SPTBN5: variants seen among roughly 807,000 people sequenced by gnomAD.
SPTBN5 encodes spectrin beta, non-erythrocytic 5.
A neutral mutation model predicts 477.6 loss-of-function variants in SPTBN5; 513 were observed. That is an observed-to-expected ratio of 1.07 (90% CI 1.00 to 1.16). SPTBN5 has a LOEUF of 1.16. Among genes scored for constraint, SPTBN5 ranks in the 50% most tolerant of loss-of-function variants. The probability of loss-of-function intolerance (pLI) is 0.00; values close to 1 mark genes in which losing one functional copy is unlikely to be tolerated. For synonymous variants in SPTBN5, 2,169 were observed against 2,011.7 expected, an observed-to-expected ratio of 1.08 and a Z score of -2.09; for missense variants, 5,062 against 4,731.8, an observed-to-expected ratio of 1.07 and a Z score of -2.05.
chr15:41,867,999 C>T lies in SPTBN5; in HGVS notation c.6207+70G>A, dbSNP rs967313889. On this transcript the variant is annotated intron_variant, in intron 34 of 67. Transcript: ENST00000320955. ...AGCCAGAGAGGCAGGAGGAAAGGGACTGAGCAGAGAGGAGAATAGAAAGGA... is the reference window on the plus strand; with the variant it reads ...AGCCAGAGAGGCAGGAGGAAAGGGATTGAGCAGAGAGGAGAATAGAAAGGA... 3.3e-6 allele frequency: 5 copies of T among 1,500,248 alleles called. No homozygotes were observed. The African/African-American group carries it at 5.6e-5, about 17-fold the overall frequency. The allele number at this position is 1,500,248 out of a possible 1,614,324, so 92.9% of individuals were successfully genotyped here.
chr15:41,850,343 G>A, intron 66 of SPTBN5: 1 of 268,948 alleles, frequency 3.7e-6, no homozygotes, highest in Non-Finnish European at 7.2e-6. Flanking sequence ...GGTCCACACG[G>A]AGCCTCAGCA....
intron 29 of SPTBN5, 56 bp from the exon 30 acceptor site, chr15:41,870,616 C>T (rs772316732): frequency 4.1e-5 from 59 of 1,439,434 alleles, no homozygotes; most frequent in Non-Finnish European, 5.5e-5. Flanking sequence ...CGTGTCATTC[C>T]TCCCTCCCGC....
chr15:41,861,086 G>A (rs939373863), intron 46 of SPTBN5, among the ~76,000 whole-genome samples: 5 of 152,230 alleles, frequency 3.3e-5, no homozygotes, highest in African/African-American at 7.2e-5. Flanking sequence ...AGTTACACTC[G>A]TCTGCTTCAG....
At chr15:41,850,722 G>T (rs2065724194) in intron 66 of SPTBN5, 132 bp downstream of exon 66, 2 of 791,944 alleles carry the variant, frequency 2.5e-6, no homozygotes, top group African/African-American at 1.7e-5. Flanking sequence ...AGGAAAAACA[G>T]TAAGTCCCAC....
At position 41,857,425 on chromosome 15, in the gene SPTBN5, C is replaced by CT; in HGVS notation, c.8433dup (p.Ala2812SerfsTer33). 1.2e-6 allele frequency: 2 copies of CT among 1,603,028 alleles called. No individual in the cohort carries two copies. Among genetic ancestry groups the CT allele is most frequent in the Non-Finnish European group, 1.7e-6 (2 of 1,175,234 alleles). On this transcript the variant is annotated frameshift_variant, in exon 51 of 68. Coordinates refer to ENST00000320955, the MANE Select transcript of SPTBN5 (RefSeq NM_016642.4). LOFTEE classifies it high-confidence loss of function. ...GGCAGGGCCTGGCCCACAGTGGGGG[C>CT]TCTCAGCTCAACCTCGATGGGCTCC... is the stretch of plus-strand genomic sequence containing the variant.
At position 41,862,589 on chromosome 15, in the gene SPTBN5, C is replaced by CT. The variant is rs745994059; in HGVS notation, c.7334dup (p.Gln2446AlafsTer5). 6.4e-7 allele frequency: 1 copy of CT among 1,558,712 alleles called. No individual in the cohort carries two copies. The highest frequency in any genetic ancestry group is 1.2e-5 in the South Asian group (1 of 84,790). On this transcript the variant is annotated frameshift_variant, in exon 43 of 68. Transcript: ENST00000320955. LOFTEE classifies it high-confidence loss of function. ...GCCACCAGCTCTCAGCCACCTCCTG[C>CT]TGCCTGTGCCTGAGGCCGTGGGCTG...
At chr15:41,852,345 GAGCCAGGTC>G (rs1022202373) in intron 61 of SPTBN5, 29 bp from the exon 62 acceptor site, 2 of 1,539,238 alleles carry the variant, frequency 1.3e-6, no homozygotes. Context: ...TGGGCAAGGT[GAGCCAGGTC>G]AGGGAGACCA....
At chr15:41,873,374 G>T in intron 26 of SPTBN5, 118 bp downstream of exon 26, 2 of 773,184 alleles carry the variant, frequency 2.6e-6, no homozygotes, top group African/African-American at 3.5e-5. Flanking sequence ...GGGGCTGTCT[G>T]TGTCTCCAGG....
chr15:41,879,797 A>G lies in SPTBN5; in HGVS notation c.2879T>C (p.Leu960Pro). 1 of 1,613,978 alleles carries G rather than the reference A, an allele frequency of 6.2e-7. No homozygotes were observed. The highest frequency in any genetic ancestry group is 8.5e-7 in the Non-Finnish European group (1 of 1,179,858). The change falls in exon 15 of 68, where the codon CTG becomes CCG. Residue 960 changes from leucine to proline, a missense_variant. Transcript: ENST00000320955. ...GGAGTTCCCAGGATATCTCTGCCTC[A>G]GTTGCTCAGCAGAGCTGCTGACCTC... is the stretch of plus-strand genomic sequence containing the variant. Reference protein sequence around the residue: ...WAEVSSSAEQLRQRYPGNSTQ... With the variant: ...WAEVSSSAEQPRQRYPGNSTQ...
Position 41,863,302 on chromosome 15 carries a change from C to T in SPTBN5, c.7150-399G>A, listed in dbSNP as rs555150383. On this transcript the variant is annotated intron_variant, in intron 41 of 67. Coordinates refer to ENST00000320955, the MANE Select transcript of SPTBN5 (RefSeq NM_016642.4). ...TGTTTCACACAAGGGCTTCCTAGAC[C>T]GGGTTCTAACTCTGCCAGATTCCAG... 1.0e-3 allele frequency among the ~76,000 whole-genome samples: 154 copies of T among 152,318 alleles called. 2 individuals carry two copies. Among genetic ancestry groups the T allele is most frequent in the Non-Finnish European group, 2.0e-3 (136 of 68,030 alleles).
intron 55 of SPTBN5, 115 bp downstream of exon 55, chr15:41,855,109 T>C: frequency 7.0e-7 from 1 of 1,435,536 alleles, no homozygotes; most frequent in Admixed American, 2.3e-5. Flanking sequence ...GGATCCTCCC[T>C]AGGACACCCT....
chr15:41,851,346 G>C lies in SPTBN5; in HGVS notation c.10680C>G (p.Ser3560Arg). Residue 3560 changes from serine to arginine, a missense_variant, in exon 64 of 68, where the codon AGC becomes AGG. Physicochemically the swap from Ser to Arg is moderately radical, Grantham distance 110. Coordinates refer to ENST00000320955, the MANE Select transcript of SPTBN5 (RefSeq NM_016642.4). ...AGCTGCCCTGCAAGTTCCCGCGGCA[G>C]CTGTCCCAGGAGCTCGAGCTAGGCT... ...GRQPSSSSWD[S>R]CRGNLQGSSL... The C allele has an allele frequency of 1.3e-6, 2 of 1,550,930 alleles. No individual in the cohort carries two copies. The highest frequency in any genetic ancestry group is 1.4e-5 in the African/African-American group (1 of 73,100).
rs925950273 is a variant in SPTBN5 at position 41,848,195 on chromosome 15, C to T, written c.*421G>A. ...TACTGCTGAGAAGGGCCATGTCATTCTAGGCTCTTGGCTGTACATGGCAAG... is the reference window on the plus strand; with the variant it reads ...TACTGCTGAGAAGGGCCATGTCATTTTAGGCTCTTGGCTGTACATGGCAAG... On this transcript the variant is annotated 3_prime_UTR_variant, in exon 68 of 68. Transcript: ENST00000320955. The T allele has an allele frequency of 1.4e-5, 7 of 510,828 alleles. No individual in the cohort carries two copies. Among genetic ancestry groups the T allele is most frequent in the Non-Finnish European group, 1.1e-5 (3 of 282,774 alleles). The allele number at this position is 510,828 out of a possible 1,614,324, so 31.6% of individuals were successfully genotyped here.
chr15:41,870,919 AC>A (rs1473548530), intron 29 of SPTBN5, among the ~76,000 whole-genome samples: 1 of 152,244 alleles, frequency 6.6e-6, no homozygotes, highest in Non-Finnish European at 1.5e-5. Flanking sequence ...TAACTCTGCA[AC>A]TGGCTGAGCT....
chr15:41,867,514 G>A lies in SPTBN5; in HGVS notation c.6312+24C>T, dbSNP rs115661525. The A allele has an allele frequency of 9.0e-4, 1,442 of 1,606,694 alleles. 9 individuals carry two copies. In the African/African-American group the frequency reaches 0.018, roughly 20 times the overall value. On this transcript the variant is annotated intron_variant, in intron 35 of 67. Transcript: ENST00000320955. ...CTCCCAACCACCACACTCTGACCAC[G>A]CCCAGGCCTCCTGACTCCATTACCT... is the stretch of plus-strand genomic sequence containing the variant.
At chr15:41,868,248 T>C (rs1225280680) in intron 33 of SPTBN5, 30 bp from the exon 34 acceptor site, 1 of 1,576,466 alleles carries the variant, frequency 6.3e-7, no homozygotes, top group East Asian at 2.3e-5. Flanking sequence ...GAGCCTCAGC[T>C]GGGGAGGGTG....
intron 26 of SPTBN5, among the ~76,000 whole-genome samples, chr15:41,873,181 C>T (rs2066602621): frequency 6.6e-6 from 1 of 152,064 alleles, no homozygotes; most frequent in Non-Finnish European, 1.5e-5. Flanking sequence ...GGGCAGGTGA[C>T]CTTGACAGAG....
In SPTBN5 at chr15:41,853,244, C is replaced by T. The variant is rs1381720611; in HGVS notation, c.10170+14G>A. The T allele has an allele frequency of 2.5e-6, 4 of 1,575,310 alleles. No individual in the cohort carries two copies. The highest frequency in any genetic ancestry group is 3.5e-6 in the Non-Finnish European group (4 of 1,153,218). The stretch of plus-strand genomic sequence containing the variant: ...TCCCCAGCCCAACCCCAGGCCCACC[C>T]TCTGAGTTCACACCTCCGCAGACAT... On this transcript the variant is annotated intron_variant, in intron 59 of 67. Coordinates refer to ENST00000320955, the MANE Select transcript of SPTBN5 (RefSeq NM_016642.4).
At position 41,853,705 on chromosome 15, in the gene SPTBN5, G is replaced by C; in HGVS notation, c.9857C>G (p.Pro3286Arg). 1.3e-6 allele frequency: 2 copies of C among 1,596,154 alleles called. No homozygotes were observed. Among genetic ancestry groups the C allele is most frequent in the Non-Finnish European group, 1.7e-6 (2 of 1,172,664 alleles). Residue 3286 changes from proline (P) to arginine (R), a missense_variant, in exon 58 of 68, where the codon CCG becomes CGG. By Grantham distance (103) the Pro-to-Arg change is moderately radical. Transcript: ENST00000320955. ...CRLGQLHPAA[P>R]GGLAKVQEAW... ...CTCCTGCACCTTGGCCAGGCCCCCC[G>C]GAGCTGCAGGATGTAGCTGGCCCAG...
Sources: allele counts gnomAD v4.1 joint callset (sites outside exome capture counted in the v4.1 genomes callset), GRCh38; gene constraint gnomAD v4.1.1; transcripts MANE v1.5; gene names NCBI Gene and HGNC (gene_info 2026-07-23, HGNC 2026-07-21).